The following BTAF1 variants were observed in gnomAD, a reference collection of about 807,000 sequenced individuals.
BTAF1 encodes the protein B-TFIID TATA-box binding protein associated factor 1.
Under a neutral mutation model 227.1 loss-of-function variants are expected in BTAF1, and 38 were observed. That is an observed-to-expected ratio of 0.17 (90% CI 0.13 to 0.22). BTAF1 has a LOEUF of 0.22. BTAF1 is among the 10% of genes least tolerant of loss of function. BTAF1 has a pLI of 1.00. For missense variants in BTAF1, 1,598 were observed against 2,204.0 expected, an observed-to-expected ratio of 0.73 and a Z score of 5.51; for synonymous variants, 742 against 751.9, an observed-to-expected ratio of 0.99 and a Z score of 0.21.
At chr10:91,959,276 T>G in intron 9 of BTAF1, 122 bp downstream of exon 9, 1 of 1,514,270 alleles carries the variant, frequency 6.6e-7, no homozygotes, top group Non-Finnish European at 8.8e-7. Context: ...GGAAGAGATA[T>G]GAAAAGGTAA....
At chr10:91,997,355 C>G (rs1238927171) in intron 24 of BTAF1, among the ~76,000 whole-genome samples, 1 of 152,166 alleles carries the variant, frequency 6.6e-6, no homozygotes, top group Non-Finnish European at 1.5e-5. Context: ...CTTTCTCCAG[C>G]CTTCCTCAGA....
chr10:91,982,463 T>A, intron 17 of BTAF1, 124 bp from the exon 18 acceptor site: 1 of 1,207,458 alleles, frequency 8.3e-7, no homozygotes, highest in Admixed American at 2.8e-5. Flanking sequence ...GTGGGAAAAG[T>A]TATGGCTTCA....
intron 23 of BTAF1, among the ~76,000 whole-genome samples, chr10:91,995,840 T>G (rs937772611): frequency 6.6e-6 from 1 of 152,182 alleles, no homozygotes; most frequent in African/African-American, 2.4e-5. Flanking sequence ...AGACATTTAG[T>G]AAGGTGCTGT....
At chr10:91,960,336 TCAAAAGATGGTTAGTTACATTGTTTGC>T (rs1846416659) in intron 11 of BTAF1, among the ~76,000 whole-genome samples, 182 bp downstream of exon 11, 1 of 152,200 alleles carries the variant, frequency 6.6e-6, no homozygotes, top group African/African-American at 2.4e-5. Flanking sequence ...TAAGTATAAA[TCAAAAGATGGTTAGTTACATTGTTTGC>T]TCTTTAAGTT....
chr10:91,930,730 TG>T (rs1844216563), intron 1 of BTAF1, among the ~76,000 whole-genome samples: 1 of 152,234 alleles, frequency 6.6e-6, no homozygotes, highest in African/African-American at 2.4e-5. Flanking sequence ...TACTAAGTAA[TG>T]GTCATTATCT....
At chr10:91,929,607 G>A (rs1207444326) in intron 1 of BTAF1, among the ~76,000 whole-genome samples, 2 of 152,140 alleles carry the variant, frequency 1.3e-5, no homozygotes, top group African/African-American at 4.8e-5. Flanking sequence ...CTTGATGTAG[G>A]GGACGTTCAG....
chr10:92,004,010 AT>A (rs1338538277), intron 25 of BTAF1, among the ~76,000 whole-genome samples: 3 of 151,412 alleles, frequency 2.0e-5, no homozygotes, highest in African/African-American at 7.3e-5. Flanking sequence ...GCATTTTTTC[AT>A]TTATCTGCTG....
chr10:91,935,832 A>G, intron 2 of BTAF1, 52 bp downstream of exon 2: 1 of 1,415,198 alleles, frequency 7.1e-7, no homozygotes, highest in Non-Finnish European at 9.5e-7. Context: ...AGACTTATTC[A>G]TGGATAGGAA....
intron 11 of BTAF1, among the ~76,000 whole-genome samples, chr10:91,961,252 G>A (rs766457692): frequency 6.6e-6 from 1 of 152,112 alleles, no homozygotes; most frequent in African/African-American, 2.4e-5. Flanking sequence ...TTAATTTCCC[G>A]TAATACTTTC....
At chr10:91,941,753 C>G (rs1031437279) in intron 3 of BTAF1, among the ~76,000 whole-genome samples, 3 of 152,196 alleles carry the variant, frequency 2.0e-5, no homozygotes, top group Non-Finnish European at 4.4e-5. Context: ...TTTTTAAACT[C>G]TTAACAGTAA....
At chr10:91,950,359 TC>T (rs397790597) in intron 4 of BTAF1, among the ~76,000 whole-genome samples, 2 of 151,872 alleles carry the variant, frequency 1.3e-5, no homozygotes, top group Non-Finnish European at 2.9e-5. Flanking sequence ...TTTTTTTTTT[TC>T]CTGGTGCCTT....
At chr10:91,941,004 C>T (rs1311977218) in intron 3 of BTAF1, among the ~76,000 whole-genome samples, 1 of 152,182 alleles carries the variant, frequency 6.6e-6, no homozygotes, top group Non-Finnish European at 1.5e-5. Flanking sequence ...GCCACTGTGC[C>T]CGGCCTCAAC....
At position 91,984,193 on chromosome 10, in the gene BTAF1, T is replaced by C; in HGVS notation, c.2224-8T>C. 1 of 1,611,840 alleles carries C rather than the reference T, an allele frequency of 6.2e-7. No individual in the cohort carries two copies. The highest frequency in any genetic ancestry group is 1.7e-5 in the Admixed American group (1 of 59,824). On this transcript the variant is annotated splice_polypyrimidine_tract_variant and splice_region_variant and intron_variant, in intron 18 of 37. Transcript: ENST00000265990. ...CAGTTACCCTATTTGTTTTCTGTTG[T>C]ATTTTAGGAGTGTAAAGCTGTTACC...
intron 25 of BTAF1, among the ~76,000 whole-genome samples, chr10:91,998,560 G>A (rs1394151871): frequency 1.3e-5 from 2 of 152,156 alleles, no homozygotes; most frequent in African/African-American, 4.8e-5. Flanking sequence ...GCCAATGCAG[G>A]AAACTGAAGT....
Sources: allele counts gnomAD v4.1 joint callset (sites outside exome capture counted in the v4.1 genomes callset), GRCh38; gene constraint gnomAD v4.1.1; transcripts MANE v1.5; gene names NCBI Gene and HGNC (gene_info 2026-07-23, HGNC 2026-07-21).